GPC5: variants seen among roughly 807,000 people sequenced by gnomAD.
GPC5 encodes glypican 5.
Under a neutral mutation model 53.9 loss-of-function variants are expected in GPC5, and 47 were observed. The ratio of observed to expected loss-of-function variants is 0.87; its 90% CI spans 0.69 to 1.11. The LOEUF is 1.11. Ranked by LOEUF, GPC5 falls within the 50% of genes most tolerant of loss-of-function variation. GPC5 has a pLI of 0.00. For missense variants in GPC5, 748 were observed against 713.1 expected, an observed-to-expected ratio of 1.05 and a Z score of -0.56; for synonymous variants, 286 against 263.3, an observed-to-expected ratio of 1.09 and a Z score of -0.84.
At chr13:92,294,198 T>G (rs921265399) in intron 7 of GPC5, among the ~76,000 whole-genome samples, 16 of 152,222 alleles carry the variant, frequency 1.1e-4, no homozygotes, top group African/African-American at 3.6e-4. Flanking sequence ...AGTGTGATAC[T>G]GGCTTCATAG....
intron 7 of GPC5, among the ~76,000 whole-genome samples, chr13:92,586,252 T>G (rs970523114): frequency 6.6e-6 from 1 of 152,236 alleles, no homozygotes; most frequent in East Asian, 1.9e-4. Flanking sequence ...AATTCTGAAG[T>G]GAAGAGTGAA....
At chr13:91,900,517 T>C (rs1338716261) in intron 5 of GPC5, among the ~76,000 whole-genome samples, 2 of 152,112 alleles carry the variant, frequency 1.3e-5, no homozygotes, top group Non-Finnish European at 2.9e-5. Flanking sequence ...TAATTGATTA[T>C]AGTTATAATT....
In GPC5 at chr13:92,439,418, G is replaced by A. The variant is rs181638516; in HGVS notation, c.1561+294429G>A. 1.1e-3 allele frequency among the ~76,000 whole-genome samples: 163 copies of A among 152,172 alleles called. 2 individuals carry two copies. The highest frequency in any genetic ancestry group is 4.4e-5 in the Non-Finnish European group (3 of 67,974). On this transcript the variant is annotated intron_variant, in intron 7 of 7. Transcript: ENST00000377067. Reference sequence around the variant, plus strand: ...TGTAAATGCAATTTAAACTAAAATAGGCTTAGGAATAAATCTGAATACTTT... The same window carrying A: ...TGTAAATGCAATTTAAACTAAAATAAGCTTAGGAATAAATCTGAATACTTT...
At chr13:92,026,567 C>T (rs898735238) in intron 6 of GPC5, among the ~76,000 whole-genome samples, 1 of 151,400 alleles carries the variant, frequency 6.6e-6, no homozygotes, top group Non-Finnish European at 1.5e-5. Context: ...TAATGAGGTC[C>T]AGCTACCTTA....
intron 6 of GPC5, among the ~76,000 whole-genome samples, chr13:92,101,921 G>C (rs1262887566): frequency 6.6e-6 from 1 of 152,210 alleles, no homozygotes; most frequent in Non-Finnish European, 1.5e-5. Flanking sequence ...CAGTGCCAAA[G>C]TGCAATGCAT....
chr13:92,740,499 T>C (rs1889054142), intron 7 of GPC5, among the ~76,000 whole-genome samples: 2 of 152,204 alleles, frequency 1.3e-5, no homozygotes, highest in South Asian at 4.1e-4. Context: ...ACTTATTGCA[T>C]GTTTGCTGAT....
intron 6 of GPC5, among the ~76,000 whole-genome samples, chr13:91,973,924 G>A (rs545361778): frequency 9.8e-5 from 15 of 152,304 alleles, no homozygotes; most frequent in African/African-American, 2.2e-4. Flanking sequence ...TAGGCTGCTC[G>A]GGGTTCAGGG....
intron 7 of GPC5, among the ~76,000 whole-genome samples, chr13:92,499,498 A>T (rs1478711574): frequency 6.6e-6 from 1 of 152,168 alleles, no homozygotes; most frequent in Admixed American, 6.5e-5. Context: ...GATTGACAAC[A>T]CCGAATATCT....
chr13:92,072,532 G>A (rs1263960714), intron 6 of GPC5, among the ~76,000 whole-genome samples: 1 of 148,286 alleles, frequency 6.7e-6, no homozygotes, highest in Non-Finnish European at 1.5e-5. Context: ...CCGAAGTGCT[G>A]GGATTACAGG....
At chr13:91,449,103 T>C (rs1208549602) in intron 2 of GPC5, among the ~76,000 whole-genome samples, 181 bp downstream of exon 2, 2 of 152,130 alleles carry the variant, frequency 1.3e-5, no homozygotes, top group Non-Finnish European at 2.9e-5. Flanking sequence ...TGTGGGAGTA[T>C]ATACTGAGTT....
chr13:92,163,874 A>T (rs1000586054), intron 7 of GPC5, among the ~76,000 whole-genome samples: 7 of 152,232 alleles, frequency 4.6e-5, no homozygotes, highest in Non-Finnish European at 1.0e-4. Context: ...ATTGACTCAC[A>T]GTTCCACATG....
intron 1 of GPC5, among the ~76,000 whole-genome samples, chr13:91,430,025 A>G (rs1879329393): frequency 6.6e-6 from 1 of 152,204 alleles, no homozygotes; most frequent in Admixed American, 6.5e-5. Context: ...TTTTTAGGGA[A>G]CAGGCCAAAA....
chr13:92,198,307 C>A (rs1020705955), intron 7 of GPC5, among the ~76,000 whole-genome samples: 9 of 152,270 alleles, frequency 5.9e-5, no homozygotes, highest in Non-Finnish European at 2.9e-5. Flanking sequence ...TATCCTTTAA[C>A]CTAGGATGGA....
At chr13:92,854,926 T>G (rs1040415066) in intron 7 of GPC5, among the ~76,000 whole-genome samples, 4 of 152,048 alleles carry the variant, frequency 2.6e-5, no homozygotes, top group African/African-American at 9.6e-5. Context: ...TTGTTGCCTA[T>G]GCTTCTAAGA....
intron 5 of GPC5, among the ~76,000 whole-genome samples, chr13:91,860,704 G>A (rs922412991): frequency 3.5e-4 from 53 of 152,024 alleles, no homozygotes; most frequent in African/African-American, 1.3e-3. Flanking sequence ...GTTTCACCGT[G>A]TTGACCAGGT....
chr13:91,726,522 T>C (rs1393031930), intron 3 of GPC5, among the ~76,000 whole-genome samples: 1 of 152,220 alleles, frequency 6.6e-6, no homozygotes, highest in Non-Finnish European at 1.5e-5. Context: ...TTAAATATAA[T>C]TTCCTTTTAT....
At chr13:91,945,142 T>C (rs2039963000) in intron 6 of GPC5, among the ~76,000 whole-genome samples, 1 of 152,236 alleles carries the variant, frequency 6.6e-6, no homozygotes, top group Non-Finnish European at 1.5e-5. Context: ...AACTTTTTCC[T>C]AATTCTATCC....
intron 2 of GPC5, among the ~76,000 whole-genome samples, chr13:91,553,406 AT>A (rs897938379): frequency 1.3e-5 from 2 of 151,950 alleles, no homozygotes; most frequent in Non-Finnish European, 2.9e-5. Context: ...CTTCTCCTTT[AT>A]TTTTTTAAAA....
chr13:91,974,183 G>A (rs1387440782), intron 6 of GPC5, among the ~76,000 whole-genome samples: 1 of 152,140 alleles, frequency 6.6e-6, no homozygotes, highest in African/African-American at 2.4e-5. Flanking sequence ...GCAAAAACTG[G>A]AAGCATTCCC....
Sources: allele counts gnomAD v4.1 joint callset (sites outside exome capture counted in the v4.1 genomes callset), GRCh38; gene constraint gnomAD v4.1.1; transcripts MANE v1.5; gene names NCBI Gene and HGNC (gene_info 2026-07-23, HGNC 2026-07-21).